The following SGCZ variants were observed in gnomAD, a reference collection of about 807,000 sequenced individuals.
SGCZ encodes sarcoglycan zeta.
A neutral mutation model predicts 41.3 loss-of-function variants in SGCZ; 40 were observed. The ratio of observed to expected loss-of-function variants is 0.97; its 90% CI spans 0.75 to 1.26. The LOEUF (loss-of-function observed/expected upper bound fraction) is 1.26, where lower values mean the gene tolerates loss of function less well. Ranked by LOEUF, SGCZ falls within the 50% of genes most tolerant of loss-of-function variation. The pLI is 0.00. For synonymous variants in SGCZ, 206 were observed against 137.5 expected (o/e 1.50, Z -3.49); for missense variants, 552 against 369.8 (o/e 1.49, Z -4.04).
At chr8:14,841,259 C>G (rs1802898611) in intron 1 of SGCZ, among the ~76,000 whole-genome samples, 1 of 152,106 alleles carries the variant, frequency 6.6e-6, no homozygotes, top group Admixed American at 6.6e-5. Flanking sequence ...CCACCTGGTC[C>G]TTCTCTTCTG....
At chr8:14,824,918 C>A (rs1157762454) in intron 1 of SGCZ, among the ~76,000 whole-genome samples, 1 of 152,030 alleles carries the variant, frequency 6.6e-6, no homozygotes, top group African/African-American at 2.4e-5. Context: ...TTTTTGTCAA[C>A]ATTCTAAATT....
chr8:15,007,504 G>C lies in SGCZ; in HGVS notation c.39+230081C>G, dbSNP rs77202124. On this transcript the variant is annotated intron_variant, in intron 1 of 7. Transcript: ENST00000382080. ...AGCCACGGTCTATGAGCCACAAACT[G>C]GGTGCATGTTCTGGCTTTGCCATTG... is the stretch of plus-strand genomic sequence containing the variant. 2.8e-3 allele frequency among the ~76,000 whole-genome samples: 427 copies of C among 152,328 alleles called. 3 individuals carry two copies. Among genetic ancestry groups the C allele is most frequent in the African/African-American group, 9.0e-3 (376 of 41,580 alleles).
At chr8:14,886,030 T>TATATATATATATACATAC (rs1554517469) in intron 1 of SGCZ, among the ~76,000 whole-genome samples, 2 of 98,944 alleles carry the variant, frequency 2.0e-5, no homozygotes, top group Non-Finnish European at 4.1e-5. Flanking sequence ...TATATATATA[T>TATATATATATATACATAC]ATATAAAATT....
At chr8:14,478,210 T>C (rs1585568090) in intron 2 of SGCZ, among the ~76,000 whole-genome samples, 1 of 152,338 alleles carries the variant, frequency 6.6e-6, no homozygotes, top group East Asian at 1.9e-4. Context: ...CCAATGAAGT[T>C]AAAAACAGGT....
intron 1 of SGCZ, among the ~76,000 whole-genome samples, chr8:14,957,097 A>G (rs531243561): frequency 6.6e-6 from 1 of 152,310 alleles, no homozygotes; most frequent in South Asian, 2.1e-4. Context: ...CTACAAGAAA[A>G]GCTACTTCTA....
chr8:14,372,050 GA>G (rs1803932356), intron 2 of SGCZ, among the ~76,000 whole-genome samples: 1 of 151,948 alleles, frequency 6.6e-6, no homozygotes, highest in African/African-American at 2.4e-5. Flanking sequence ...ATATGGACTA[GA>G]ATAAACTAGA....
intron 5 of SGCZ, among the ~76,000 whole-genome samples, chr8:14,138,367 C>G (rs1803265792): frequency 6.6e-6 from 1 of 152,060 alleles, no homozygotes; most frequent in South Asian, 2.1e-4. Context: ...GGCTAAATGC[C>G]CCAATTAACA....
intron 4 of SGCZ, among the ~76,000 whole-genome samples, chr8:14,184,565 G>A (rs1804841482): frequency 6.6e-6 from 1 of 152,144 alleles, no homozygotes. Context: ...GTACAGAGCT[G>A]ATAAAGCCAA....
intron 1 of SGCZ, among the ~76,000 whole-genome samples, chr8:14,751,644 G>A (rs1799500330): frequency 6.6e-6 from 1 of 152,108 alleles, no homozygotes; most frequent in African/African-American, 2.4e-5. Flanking sequence ...TACGGGCCTA[G>A]CATTTAAAAC....
At chr8:14,375,512 C>A (rs4372004) in intron 2 of SGCZ, among the ~76,000 whole-genome samples, 54,468 of 151,680 alleles carry the variant, frequency 0.36, 10,840 homozygotes, top group African/African-American at 0.54. Context: ...AGCATAAAGT[C>A]GAATAATTAA....
intron 1 of SGCZ, among the ~76,000 whole-genome samples, chr8:14,945,274 T>C (rs1344846861): frequency 6.6e-6 from 1 of 152,146 alleles, no homozygotes; most frequent in African/African-American, 2.4e-5. Context: ...AAAATCTATA[T>C]AGATCAAATT....
intron 1 of SGCZ, among the ~76,000 whole-genome samples, chr8:14,581,144 G>A (rs1466606650): frequency 6.6e-6 from 1 of 152,088 alleles, no homozygotes; most frequent in African/African-American, 2.4e-5. Context: ...GTCTCGTTCT[G>A]TCACCCAGGC....
chr8:14,918,103 C>T (rs1799490618), intron 1 of SGCZ, among the ~76,000 whole-genome samples: 1 of 152,120 alleles, frequency 6.6e-6, no homozygotes. Flanking sequence ...ACTTCAGATC[C>T]AAGAAGATAC....
chr8:14,368,260 T>A (rs771835788), intron 2 of SGCZ, among the ~76,000 whole-genome samples: 2 of 152,064 alleles, frequency 1.3e-5, no homozygotes, highest in Non-Finnish European at 2.9e-5. Flanking sequence ...TTATAATTCA[T>A]ATGTTCTAAC....
At chr8:14,955,748 A>G (rs1427326552) in intron 1 of SGCZ, among the ~76,000 whole-genome samples, 1 of 152,160 alleles carries the variant, frequency 6.6e-6, no homozygotes, top group Non-Finnish European at 1.5e-5. Flanking sequence ...TTTTCTAAAT[A>G]TTTTGGATAT....
At chr8:14,376,208 G>T (rs1399596411) in intron 2 of SGCZ, among the ~76,000 whole-genome samples, 1 of 152,286 alleles carries the variant, frequency 6.6e-6, no homozygotes, top group Admixed American at 6.5e-5. Context: ...CTACACAGGA[G>T]GCTGAGGCAG....
At chr8:15,084,995 C>T (rs189232406) in intron 1 of SGCZ, among the ~76,000 whole-genome samples, 3 of 152,210 alleles carry the variant, frequency 2.0e-5, no homozygotes, top group Admixed American at 2.0e-4. Flanking sequence ...TTATGTGCTC[C>T]ACCTACTATT....
chr8:14,237,506 A>AACGACG lies in SGCZ; in HGVS notation c.424+85_424+86insCGTCGT, dbSNP rs1554484655. ...TCAAAACAACAACAACAACAACAAC[A>AACGACG]ACGACAACAACAAGAACCAAAAACC... On this transcript the variant is annotated intron_variant, in intron 4 of 7. Transcript: ENST00000382080. 4 of 1,101,950 alleles carry AACGACG rather than the reference A, an allele frequency of 3.6e-6. No homozygotes were observed. In the African/African-American group the frequency reaches 6.3e-5, roughly 17 times the overall value. The allele number at this position is 1,101,950 out of a possible 1,614,324, so 68.3% of individuals were successfully genotyped here. A position where few individuals can be genotyped will look rare whatever the true frequency, so the allele number is the denominator to read the frequency against.
intron 1 of SGCZ, among the ~76,000 whole-genome samples, chr8:15,117,853 T>A (rs1161674721): frequency 1.3e-5 from 2 of 152,202 alleles, no homozygotes; most frequent in Non-Finnish European, 2.9e-5. Flanking sequence ...CTCCACGTAT[T>A]CAAACAAATG....
Sources: gnomAD v4.1 joint callset for allele counts (sites outside exome capture counted in the v4.1 genomes callset) on GRCh38, gnomAD v4.1.1 for gene constraint, MANE v1.5 for transcripts, NCBI Gene and HGNC (gene_info 2026-07-23, HGNC 2026-07-21) for gene names.